GBP7: variants seen among roughly 807,000 people sequenced by gnomAD.
GBP7 encodes the protein guanylate-binding protein 7.
Under a neutral mutation model 61.3 loss-of-function variants are expected in GBP7, and 43 were observed. The observed-to-expected ratio is 0.70, with a 90% CI of 0.55 to 0.91. The LOEUF (loss-of-function observed/expected upper bound fraction) is 0.91, where lower values mean the gene tolerates loss of function less well. GBP7 is among the 40% of genes least tolerant of loss of function. GBP7 has a pLI of 0.00. For synonymous variants in GBP7, 267 were observed against 271.0 expected, an observed-to-expected ratio of 0.99 and a Z score of 0.14; for missense variants, 717 against 740.5, an observed-to-expected ratio of 0.97 and a Z score of 0.37.
At chr1:89,162,333 T>C (rs747884129) in intron 3 of GBP7, among the ~76,000 whole-genome samples, 4 of 152,260 alleles carry the variant, frequency 2.6e-5, no homozygotes, top group African/African-American at 4.8e-5. Context: ...GGTAGTTTAA[T>C]AGGAATAGCA....
intron 9 of GBP7, among the ~76,000 whole-genome samples, chr1:89,138,027 G>A (rs1576295): frequency 0.74 from 112,435 of 151,922 alleles, 41,912 homozygotes; most frequent in African/African-American, 0.82. Context: ...AAGTCAAACC[G>A]AGAACACAAT....
chr1:89,158,163 C>A (rs1682359031), intron 3 of GBP7, among the ~76,000 whole-genome samples: 1 of 152,124 alleles, frequency 6.6e-6, no homozygotes, highest in South Asian at 2.1e-4. Context: ...TTCAACAGCC[C>A]TTCATGCTTA....
chr1:89,132,956 G>C (rs760840012), intron 10 of GBP7, among the ~76,000 whole-genome samples: 8 of 152,136 alleles, frequency 5.3e-5, no homozygotes, highest in Non-Finnish European at 1.0e-4. Context: ...AGAATCCTAA[G>C]GGCTGGTGGA....
rs143995006 is a variant in GBP7 at position 89,142,810 on chromosome 1, G to A, written c.1366-1162C>T. On this transcript the variant is annotated intron_variant, in intron 8 of 10. Transcript: ENST00000294671. ...CTTTCAAAAAAAATTTAGATTCATG[G>A]GTGTATTAGGACATTCTTGCATTGC... Among the ~76,000 whole-genome samples the A allele has an allele frequency of 4.8e-3, 738 of 152,176 alleles. 4 individuals are homozygous for A. The highest frequency in any genetic ancestry group is 0.016 in the African/African-American group (682 of 41,506).
chr1:89,169,180 A>G (rs1647530869), intron 2 of GBP7, among the ~76,000 whole-genome samples: 1 of 152,216 alleles, frequency 6.6e-6, no homozygotes, highest in Non-Finnish European at 1.5e-5. Context: ...GTGAGTTTGT[A>G]TCTCTGTTTT....
intron 8 of GBP7, among the ~76,000 whole-genome samples, chr1:89,142,187 A>G (rs917786593): frequency 5.5e-5 from 8 of 144,232 alleles, no homozygotes; most frequent in African/African-American, 2.1e-4. Context: ...AAAACCTTAA[A>G]AAGACCGAAC....
intron 6 of GBP7, among the ~76,000 whole-genome samples, 178 bp downstream of exon 6, chr1:89,150,152 T>C (rs1356790071): frequency 2.0e-5 from 3 of 152,228 alleles, no homozygotes; most frequent in Admixed American, 6.5e-5. Context: ...ACTTTCTGTT[T>C]TGTGTAAATT....
At chr1:89,174,185 CA>C (rs1647677547) in intron 1 of GBP7, among the ~76,000 whole-genome samples, 1 of 152,176 alleles carries the variant, frequency 6.6e-6, no homozygotes. Flanking sequence ...TTTGCAATTA[CA>C]AACAATGCTG....
intron 3 of GBP7, among the ~76,000 whole-genome samples, chr1:89,154,788 A>T (rs147609234): frequency 7.6e-6 from 1 of 131,942 alleles, no homozygotes; most frequent in Admixed American, 7.8e-5. Context: ...AAATACCATG[A>T]AAGTTAATAA....
intron 3 of GBP7, among the ~76,000 whole-genome samples, chr1:89,164,194 A>G (rs989351800): frequency 4.6e-5 from 7 of 152,128 alleles, no homozygotes; most frequent in Admixed American, 6.6e-5. Context: ...TAGACATTTA[A>G]AAACAGGTTA....
Position 89,132,395 on chromosome 1 carries a change from T to G in GBP7, c.1671A>C (p.Glu557Asp), listed in dbSNP as rs1049436723. 2.1e-5 allele frequency: 33 copies of G among 1,591,446 alleles called. No individual in the cohort carries two copies. Among genetic ancestry groups the G allele is most frequent in the Non-Finnish European group, 2.7e-5 (32 of 1,173,132 alleles). Residue 557 changes from glutamate to aspartate, a missense_variant, in exon 11 of 11, where the codon GAA becomes GAC. Physicochemically the swap from Glu to Asp is conservative, Grantham distance 45. Coordinates refer to ENST00000294671, the MANE Select transcript of GBP7 (RefSeq NM_207398.3). ...CTTTAAATCCTTCAGTAAGCAGTTC[T>G]TCTAGGACCTATAAAAGTAAAAGAG... ...KMLSHKMKVL[E>D]ELLTEGFKEI...
At chr1:89,157,554 A>T (rs145699609) in intron 3 of GBP7, among the ~76,000 whole-genome samples, 1 of 152,166 alleles carries the variant, frequency 6.6e-6, no homozygotes, top group East Asian at 1.9e-4. Flanking sequence ...AATACAAACT[A>T]CCATCAGAGA....
chr1:89,158,357 C>G (rs1475823988), intron 3 of GBP7, among the ~76,000 whole-genome samples: 1 of 152,104 alleles, frequency 6.6e-6, no homozygotes. Context: ...AAGTTCTGGC[C>G]AGGGCAATTA....
chr1:89,148,322 T>C (rs1682114154), intron 7 of GBP7, among the ~76,000 whole-genome samples: 1 of 152,258 alleles, frequency 6.6e-6, no homozygotes, highest in Non-Finnish European at 1.5e-5. Flanking sequence ...ATAGACAGAC[T>C]GAAAGAAGGC....
At position 89,164,850 on chromosome 1, in the gene GBP7, G is replaced by A. The variant is rs767979367; in HGVS notation, c.199C>T (p.Leu67=). 1.9e-6 allele frequency: 3 copies of A among 1,613,670 alleles called. No homozygotes were observed. The African/African-American group carries it at 4.0e-5, about 22-fold the overall frequency. ...GTTTCAGACTTCACTGTGCAGCCCA[G>A]AGGGAAGCCTTCAAGGGAAGAGGAG... ...KLAGKNKGFP[L]GCTVKSETKG... is the part of the protein sequence containing the mutation. The change falls in exon 3 of 11, where the codon CTG becomes TTG. Residue 67 remains leucine (L), a synonymous_variant. Coordinates refer to ENST00000294671, the MANE Select transcript of GBP7 (RefSeq NM_207398.3).
intron 1 of GBP7, among the ~76,000 whole-genome samples, chr1:89,174,268 C>A (rs527925117): frequency 1.3e-5 from 2 of 152,218 alleles, no homozygotes; most frequent in South Asian, 4.1e-4. Context: ...AGGATAGAGT[C>A]CTACCAACGG....
intron 3 of GBP7, among the ~76,000 whole-genome samples, chr1:89,156,677 C>A (rs1392318388): frequency 6.6e-6 from 1 of 152,164 alleles, no homozygotes; most frequent in Non-Finnish European, 1.5e-5. Context: ...TATATATGCA[C>A]CCAATACAGG....
intron 7 of GBP7, among the ~76,000 whole-genome samples, chr1:89,148,367 AT>A (rs1682115155): frequency 6.6e-6 from 1 of 152,232 alleles, no homozygotes; most frequent in Non-Finnish European, 1.5e-5. Context: ...GATTTAAGAT[AT>A]CCCCCAGGAT....
chr1:89,137,052 T>C (rs1043774943), intron 9 of GBP7, among the ~76,000 whole-genome samples: 3 of 151,900 alleles, frequency 2.0e-5, no homozygotes, highest in Admixed American at 6.6e-5. Context: ...CTAAGAAACC[T>C]AGAAGAAATG....
Sources: allele counts gnomAD v4.1 joint callset (sites outside exome capture counted in the v4.1 genomes callset), GRCh38; gene constraint gnomAD v4.1.1; transcripts MANE v1.5; gene names NCBI Gene and HGNC (gene_info 2026-07-23, HGNC 2026-07-21).